The following C3orf18 variants were observed in gnomAD, a reference collection of about 807,000 sequenced individuals.
C3orf18 encodes uncharacterized protein C3orf18.
A neutral mutation model predicts 14.1 loss-of-function variants in C3orf18; 12 were observed. The ratio of observed to expected loss-of-function variants is 0.85; its 90% CI spans 0.55 to 1.38. The LOEUF (loss-of-function observed/expected upper bound fraction) is 1.38, where lower values mean the gene tolerates loss of function less well. Among genes scored for constraint, C3orf18 ranks in the 40% most tolerant of loss-of-function variants. The probability of loss-of-function intolerance (pLI) is 0.00; values close to 1 mark genes in which losing one functional copy is unlikely to be tolerated. For synonymous variants in C3orf18, 82 were observed against 87.9 expected (o/e 0.93, Z 0.38); for missense variants, 196 against 213.9 (o/e 0.92, Z 0.52).
rs553543843 is a variant in C3orf18, at chr3:50,558,406, C to T, written c.*1251G>A. Reference sequence around the variant, plus strand: ...TCTCTGCCCAATGGCTTGCCAGGACCCCTGGTATCAGCCCTGACCCTCCAA... The same window carrying T: ...TCTCTGCCCAATGGCTTGCCAGGACTCCTGGTATCAGCCCTGACCCTCCAA... On this transcript the variant is annotated 3_prime_UTR_variant, in exon 6 of 6. Coordinates refer to ENST00000357203, the MANE Select transcript of C3orf18 (RefSeq NM_016210.5). 3 of 271,410 alleles carry T rather than the reference C, an allele frequency of 1.1e-5. No homozygotes were observed. The allele number at this position is 271,410 out of a possible 1,614,324, so 16.8% of individuals were successfully genotyped here.
chr3:50,561,245 C>T (rs1369123609), intron 4 of C3orf18, among the ~76,000 whole-genome samples, 181 bp from the exon 5 acceptor site: 1 of 152,260 alleles, frequency 6.6e-6, no homozygotes, highest in East Asian at 1.9e-4. Context: ...AGCTCAACCC[C>T]TTAAATGGGT....
At chr3:50,567,179 G>A (rs1350917562) in intron 1 of C3orf18, among the ~76,000 whole-genome samples, 2 of 152,144 alleles carry the variant, frequency 1.3e-5, no homozygotes, top group East Asian at 1.9e-4. Flanking sequence ...AACTGATCCC[G>A]GGCGTGACCT....
intron 5 of C3orf18, among the ~76,000 whole-genome samples, chr3:50,560,408 G>T (rs1463127477): frequency 6.6e-6 from 1 of 152,176 alleles, no homozygotes; most frequent in African/African-American, 2.4e-5. Flanking sequence ...ATCTTCACAT[G>T]CCTGGGTCTG....
chr3:50,558,250 A>T lies in C3orf18; in HGVS notation c.*1407T>A, dbSNP rs901706171. The T allele has an allele frequency of 6.0e-6, 1 of 166,184 alleles. No homozygotes were observed. Among genetic ancestry groups the T allele is most frequent in the Non-Finnish European group, 1.3e-5 (1 of 76,490 alleles). 10.3% of individuals were successfully genotyped at this position (166,184 alleles called of 1,614,324 possible). A position where few individuals can be genotyped will look rare whatever the true frequency, so the allele number is the denominator to read the frequency against. ...TTTGCCCAGTGGAAGGTCTGCATAC[A>T]CTACCCCTGCATCCCCTCCAGCCAG... On this transcript the variant is annotated 3_prime_UTR_variant, in exon 6 of 6. Transcript: ENST00000357203.
At position 50,558,596 on chromosome 3, in the gene C3orf18, C is replaced by T. The variant is rs1011963778; in HGVS notation, c.*1061G>A. The T allele has an allele frequency of 6.6e-6, 6 of 906,522 alleles. No homozygotes were observed. Among genetic ancestry groups the T allele is most frequent in the South Asian group, 1.7e-5 (1 of 60,420 alleles). 56.2% of individuals were successfully genotyped at this position (906,522 alleles called of 1,614,324 possible). The stretch of plus-strand genomic sequence containing the variant: ...ACCCACTTTCAGGCAGTCATAACTG[C>T]CCCCTCTAGCCTGCAGCCTGTGATT... On this transcript the variant is annotated 3_prime_UTR_variant, in exon 6 of 6. Coordinates refer to ENST00000357203, the MANE Select transcript of C3orf18 (RefSeq NM_016210.5).
At position 50,565,315 on chromosome 3, in the gene C3orf18, T is replaced by G. The variant is rs184463999; in HGVS notation, c.234+151A>C. On this transcript the variant is annotated intron_variant, in intron 3 of 5. Transcript: ENST00000357203. The surrounding 1 kb of genome is among the most constrained non-coding windows in gnomAD (Gnocchi z 4.4). ...CCCAGAGGTGGAGGTTGCAGTGAGC[T>G]GAGATCAAGCCATTGCACTCCAGCC... 4 of 645,464 alleles carry G rather than the reference T, an allele frequency of 6.2e-6. No homozygotes were observed. The highest frequency in any genetic ancestry group is 2.6e-5 in the Admixed American group (1 of 39,036). 40.0% of individuals were successfully genotyped at this position (645,464 alleles called of 1,614,324 possible).
chr3:50,573,314 A>G (rs1014463975), upstream of C3orf18, among the ~76,000 whole-genome samples: 1 of 152,226 alleles, frequency 6.6e-6, no homozygotes, highest in Non-Finnish European at 1.5e-5. Context: ...CCTAGGACAC[A>G]GTATGGAGAC....
Position 50,565,619 on chromosome 3 carries a change from T to C in C3orf18, c.81A>G (p.Thr27=). The C allele has an allele frequency of 6.2e-7, 1 of 1,613,830 alleles. No individual in the cohort carries two copies. The highest frequency in any genetic ancestry group is 8.5e-7 in the Non-Finnish European group (1 of 1,180,020). The change falls in exon 3 of 6, where the codon ACA becomes ACG. Residue 27 remains threonine (T), a synonymous_variant. Coordinates refer to ENST00000357203, the MANE Select transcript of C3orf18 (RefSeq NM_016210.5). This position sits in a 1 kb window ranked among gnomAD's most constrained non-coding sequence, Gnocchi z 4.4. ...TAGTGGTCTCGGAGGCTGGCCCATC[T>C]GTGGCAGGTTCCAGGTCAGACTCAG... ...PTSESDLEPA[T]DGPASETTTL...
chr3:50,565,649 G>T lies in C3orf18; in HGVS notation c.51C>A (p.Pro17=), dbSNP rs1700246837. ...SARGWFSSRP[P]TSESDLEPAT... The stretch of plus-strand genomic sequence containing the variant: ...CAGGTTCCAGGTCAGACTCAGAGGT[G>T]GGTGGGCGGCTGCTGAACCAGCCCC... Residue 17 remains proline (P), a synonymous_variant, in exon 3 of 6, where the codon CCC becomes CCA. Coordinates refer to ENST00000357203, the MANE Select transcript of C3orf18 (RefSeq NM_016210.5). This position sits in a 1 kb window ranked among gnomAD's most constrained non-coding sequence, Gnocchi z 4.4. 1.9e-6 allele frequency: 3 copies of T among 1,613,130 alleles called. No individual in the cohort carries two copies. The highest frequency in any genetic ancestry group is 4.5e-5 in the East Asian group (2 of 44,882).
chr3:50,560,823 G>T, intron 5 of C3orf18, 94 bp downstream of exon 5: 2 of 1,342,524 alleles, frequency 1.5e-6, no homozygotes, highest in Non-Finnish European at 2.0e-6. Context: ...TGACCACAAG[G>T]CAGGTGCTAG....
chr3:50,573,166 G>T (rs941707540), upstream of C3orf18, among the ~76,000 whole-genome samples: 1 of 152,060 alleles, frequency 6.6e-6, no homozygotes, highest in Admixed American at 6.5e-5. Context: ...TCAGGGCAGG[G>T]ACAGTAGGGA....
upstream of C3orf18, chr3:50,571,234 C>A (rs772723907): frequency 6.2e-7 from 1 of 1,613,856 alleles, no homozygotes; most frequent in East Asian, 2.2e-5. Context: ...TGCCATAGAA[C>A]TGGTCAGCCA....
Position 50,558,902 on chromosome 3 carries a change from T to C in C3orf18, c.*755A>G. On this transcript the variant is annotated 3_prime_UTR_variant, in exon 6 of 6. Transcript: ENST00000357203. ...CGCTGTGCTGGGACAGGCACATGTC[T>C]GCCCATGGGCACACTCATGCACATG... The C allele has an allele frequency of 7.8e-7, 1 of 1,289,566 alleles. No individual in the cohort carries two copies. Among genetic ancestry groups the C allele is most frequent in the Non-Finnish European group, 1.0e-6 (1 of 988,674 alleles). 79.9% of individuals were successfully genotyped at this position (1,289,566 alleles called of 1,614,324 possible).
chr3:50,561,829 G>A, intron 3 of C3orf18, 82 bp from the exon 4 acceptor site: 2 of 1,448,444 alleles, frequency 1.4e-6, no homozygotes, highest in South Asian at 2.3e-5. Context: ...GGGACATGCT[G>A]AGGCTGATGA....
At chr3:50,561,824 A>G (rs746665310) in intron 3 of C3orf18, 77 bp from the exon 4 acceptor site, 1 of 1,485,204 alleles carries the variant, frequency 6.7e-7, no homozygotes, top group Non-Finnish European at 9.4e-7. Context: ...GGATGGGGAC[A>G]TGCTGAGGCT....
chr3:50,571,129 TG>T (rs749244973), upstream of C3orf18: 279 of 1,605,136 alleles, frequency 1.7e-4, no homozygotes, highest in Non-Finnish European at 2.3e-4. Flanking sequence ...CCGAATGCTG[TG>T]GGCCCTCCTG....
upstream of C3orf18, chr3:50,567,837 T>G (rs1700454194): frequency 6.6e-6 from 1 of 152,266 alleles, no homozygotes; most frequent in Non-Finnish European, 1.5e-5. Context: ...CGCTTGTCGC[T>G]CGGGTCTGGC....
At chr3:50,573,032 C>T (rs1281290734), upstream of C3orf18, among the ~76,000 whole-genome samples, 1 of 152,222 alleles carries the variant, frequency 6.6e-6, no homozygotes, top group East Asian at 1.9e-4. Context: ...CCTGCTGTGG[C>T]CAGGGGGCCC....
upstream of C3orf18, chr3:50,569,783 G>T (rs2107344814): frequency 6.6e-6 from 1 of 152,440 alleles, no homozygotes; most frequent in Non-Finnish European, 1.5e-5. Context: ...ACTGGTGCAA[G>T]AGCCGCTTCT....
Sources: allele counts gnomAD v4.1 joint callset (sites outside exome capture counted in the v4.1 genomes callset), GRCh38; gene constraint gnomAD v4.1.1; non-coding constraint Gnocchi (gnomAD v3.1); transcripts MANE v1.5; gene names NCBI Gene and HGNC (gene_info 2026-07-23, HGNC 2026-07-21).